The following GNAI1 variants were observed in gnomAD, a reference collection of about 807,000 sequenced individuals.
The protein encoded by GNAI1 is G protein subunit alpha i1, also known as guanine nucleotide-binding protein G(i) subunit alpha-1.
GNAI1 carries 11 observed loss-of-function variants against 38.9 expected under a neutral mutation model. The observed-to-expected ratio is 0.28, with a 90% CI of 0.18 to 0.47. GNAI1 has a LOEUF of 0.47. GNAI1 is among the 20% of genes least tolerant of loss of function. GNAI1 has a pLI of 0.99. For missense variants in GNAI1, 317 were observed against 436.9 expected, an observed-to-expected ratio of 0.73 and a Z score of 2.45; for synonymous variants, 166 against 145.1, an observed-to-expected ratio of 1.14 and a Z score of -1.04.
intron 1 of GNAI1, among the ~76,000 whole-genome samples, chr7:80,168,117 C>T (rs1584023072): frequency 6.6e-6 from 1 of 152,140 alleles, no homozygotes; most frequent in Non-Finnish European, 1.5e-5. Flanking sequence ...CCTTAGCTGA[C>T]TCCATGAGAA....
At position 80,218,337 on chromosome 7, in the gene GNAI1, A is replaced by G. The variant is rs1292070480; in HGVS notation, c.*844A>G. ...GAATTTTAATATTTGGCTGATATGAATGCATTGCCTCAAAGGTGATGTCAT... is the reference window on the plus strand; with the variant it reads ...GAATTTTAATATTTGGCTGATATGAGTGCATTGCCTCAAAGGTGATGTCAT... On this transcript the variant is annotated 3_prime_UTR_variant, in exon 8 of 8. Transcript: ENST00000649796. 2 of 152,082 alleles carry G rather than the reference A, an allele frequency of 1.3e-5. No individual in the cohort carries two copies. Among genetic ancestry groups the G allele is most frequent in the African/African-American group, 4.8e-5 (2 of 41,410 alleles). 9.4% of individuals were successfully genotyped at this position (152,082 alleles called of 1,614,324 possible).
intron 1 of GNAI1, among the ~76,000 whole-genome samples, chr7:80,162,710 A>G (rs1306354597): frequency 6.6e-6 from 1 of 152,180 alleles, no homozygotes; most frequent in African/African-American, 2.4e-5. Context: ...GTTGGGGAAT[A>G]GATGGTTAAG....
At chr7:80,205,723 T>TG (rs1415333320) in intron 5 of GNAI1, among the ~76,000 whole-genome samples, 4 of 152,156 alleles carry the variant, frequency 2.6e-5, no homozygotes, top group Non-Finnish European at 5.9e-5. Flanking sequence ...TTTAAAAGAT[T>TG]ACAAAAGCAG....
chr7:80,197,765 T>C (rs1223330254), intron 3 of GNAI1, among the ~76,000 whole-genome samples: 1 of 152,108 alleles, frequency 6.6e-6, no homozygotes, highest in Non-Finnish European at 1.5e-5. Context: ...GTTCTCATGC[T>C]GAGAGACTTA....
At chr7:80,177,967 G>A (rs1311665003) in intron 1 of GNAI1, among the ~76,000 whole-genome samples, 18 of 152,192 alleles carry the variant, frequency 1.2e-4, no homozygotes, top group Admixed American at 1.2e-3. Flanking sequence ...CATTCTAGAT[G>A]CCATGAAAAA....
chr7:80,223,052 CAG>C lies in GNAI1; in HGVS notation c.*5561_*5562del, dbSNP rs1789106202. Among the ~76,000 whole-genome samples, 2 of 152,082 alleles carry C rather than the reference CAG, an allele frequency of 1.3e-5. No homozygotes were observed. Among genetic ancestry groups the C allele is most frequent in the South Asian group, 2.1e-4 (1 of 4,830 alleles). On this transcript the variant is annotated 3_prime_UTR_variant, in exon 8 of 8. Transcript: ENST00000649796. ...TGGATACTGTACTGAAAATGAAAAACAGATTGATTGCATGGGTACTTGAAATA... is the reference window on the plus strand; with the variant it reads ...TGGATACTGTACTGAAAATGAAAAACATTGATTGCATGGGTACTTGAAATA...
chr7:80,220,054 T>G lies in GNAI1; in HGVS notation c.*2561T>G, dbSNP rs746678386. 6.6e-6 allele frequency among the ~76,000 whole-genome samples: 1 copy of G among 152,218 alleles called. No individual in the cohort carries two copies. The highest frequency in any genetic ancestry group is 1.9e-4 in the East Asian group (1 of 5,196). ...GAAAAACCCAGGTTAGTTATCCTAA[T>G]GTAGAACTGTGGCCCTATCACCTTC... On this transcript the variant is annotated 3_prime_UTR_variant, in exon 8 of 8. Coordinates refer to ENST00000649796, the MANE Select transcript of GNAI1 (RefSeq NM_002069.6).
intron 1 of GNAI1, among the ~76,000 whole-genome samples, chr7:80,179,242 T>G (rs935873089): frequency 6.6e-6 from 1 of 152,188 alleles, no homozygotes; most frequent in African/African-American, 2.4e-5. Context: ...CTTTTTCTTC[T>G]TAGTGGCTCT....
intron 3 of GNAI1, among the ~76,000 whole-genome samples, chr7:80,196,218 C>T (rs1788569895): frequency 1.3e-5 from 2 of 152,128 alleles, no homozygotes; most frequent in East Asian, 3.9e-4. Flanking sequence ...TCTAAATCAA[C>T]TTATTTTTGT....
chr7:80,194,490 G>A (rs570514397), intron 3 of GNAI1, among the ~76,000 whole-genome samples: 66 of 152,174 alleles, frequency 4.3e-4, no homozygotes, highest in African/African-American at 1.6e-3. Flanking sequence ...CTTCCATTGT[G>A]TTTAAATGTA....
At chr7:80,180,768 A>T (rs1472929111) in intron 1 of GNAI1, among the ~76,000 whole-genome samples, 1 of 152,004 alleles carries the variant, frequency 6.6e-6, no homozygotes, top group Non-Finnish European at 1.5e-5. Flanking sequence ...AGTCCAGTTG[A>T]GCTTGTGTCC....
At chr7:80,212,602 T>C (rs1445535797) in intron 6 of GNAI1, 114 bp from the exon 7 acceptor site, 9 of 573,638 alleles carry the variant, frequency 1.6e-5, no homozygotes, top group Non-Finnish European at 8.9e-6. Context: ...ATTTTTGTGA[T>C]ACGTATTTTT....
chr7:80,196,677 G>A (rs1788580534), intron 3 of GNAI1, among the ~76,000 whole-genome samples: 1 of 151,878 alleles, frequency 6.6e-6, no homozygotes, highest in African/African-American at 2.4e-5. Context: ...AGATTAGGTA[G>A]AATAATTTCA....
intron 1 of GNAI1, among the ~76,000 whole-genome samples, chr7:80,155,714 A>G (rs982145805): frequency 6.6e-6 from 1 of 151,720 alleles, no homozygotes; most frequent in Non-Finnish European, 1.5e-5. Flanking sequence ...GCACAGTTAC[A>G]CAGTTAGATG....
chr7:80,185,293 T>C (rs1450633340), intron 1 of GNAI1, among the ~76,000 whole-genome samples: 1 of 152,208 alleles, frequency 6.6e-6, no homozygotes, highest in Non-Finnish European at 1.5e-5. Flanking sequence ...TAACACTGGA[T>C]ACTGACCATT....
At position 80,222,483 on chromosome 7, in the gene GNAI1, G is replaced by A. The variant is rs1789097640; in HGVS notation, c.*4990G>A. Among the ~76,000 whole-genome samples, 1 of 149,878 alleles carries A rather than the reference G, an allele frequency of 6.7e-6. No homozygotes were observed. Among genetic ancestry groups the A allele is most frequent in the South Asian group, 2.1e-4 (1 of 4,742 alleles). ...GCTCACCGCAACATCCGCCTCCCGG[G>A]TACAAGCAATTCTCCTGCCTCAGGT... is the stretch of plus-strand genomic sequence containing the variant. On this transcript the variant is annotated 3_prime_UTR_variant, in exon 8 of 8. Coordinates refer to ENST00000649796, the MANE Select transcript of GNAI1 (RefSeq NM_002069.6).
Position 80,221,925 on chromosome 7 carries a change from C to T in GNAI1, c.*4432C>T, listed in dbSNP as rs1412329091. 1.3e-5 allele frequency among the ~76,000 whole-genome samples: 2 copies of T among 152,060 alleles called. No homozygotes were observed. ...AAAGTGCTGGGATTACAGACGTGAG[C>T]CACTGCGCCCAGCCAGTTTTCTTTT... is the stretch of plus-strand genomic sequence containing the variant. On this transcript the variant is annotated 3_prime_UTR_variant, in exon 8 of 8. Transcript: ENST00000649796.
chr7:80,165,007 T>C (rs1262032028), intron 1 of GNAI1, among the ~76,000 whole-genome samples: 1 of 152,184 alleles, frequency 6.6e-6, no homozygotes, highest in South Asian at 2.1e-4. Context: ...AAGAGAAAGC[T>C]CAGACTTTAT....
chr7:80,221,647 T>TC lies in GNAI1; in HGVS notation c.*4154_*4155insC, dbSNP rs1789079507. ...AGGTTGGAAATTTTCTTTTTTTTTT[T>TC]TTTTTTTTTTTTTTGGTATGGAGTC... On this transcript the variant is annotated 3_prime_UTR_variant, in exon 8 of 8. Coordinates refer to ENST00000649796, the MANE Select transcript of GNAI1 (RefSeq NM_002069.6). Among the ~76,000 whole-genome samples, 1 of 140,262 alleles carries TC rather than the reference T, an allele frequency of 7.1e-6. No homozygotes were observed. The highest frequency in any genetic ancestry group is 2.4e-4 in the South Asian group (1 of 4,162). 92.0% of individuals were successfully genotyped at this position (140,262 alleles called of 152,430 possible).
Sources: allele counts gnomAD v4.1 joint callset (sites outside exome capture counted in the v4.1 genomes callset), GRCh38; gene constraint gnomAD v4.1.1; transcripts MANE v1.5; gene names NCBI Gene and HGNC (gene_info 2026-07-23, HGNC 2026-07-21).